The following VPS13B variants were observed in gnomAD, a reference collection of about 807,000 sequenced individuals.
The protein encoded by VPS13B is vacuolar protein sorting 13 homolog B.
In VPS13B, 285 loss-of-function variants were observed where a neutral mutation model predicts 426.4. That is an observed-to-expected ratio of 0.67 (90% CI 0.61 to 0.74). The LOEUF (loss-of-function observed/expected upper bound fraction) is 0.74. Ranked by LOEUF, VPS13B falls within the 30% of genes least tolerant of loss-of-function variation. The pLI is 0.00. For missense variants in VPS13B, 4,537 were observed against 4,782.6 expected, an observed-to-expected ratio of 0.95 and a Z score of 1.51; for synonymous variants, 1,676 against 1,676.4, an observed-to-expected ratio of 1.00 and a Z score of 0.01.
At chr8:99,093,698 A>G (rs947321341) in intron 3 of VPS13B, among the ~76,000 whole-genome samples, 1 of 152,134 alleles carries the variant, frequency 6.6e-6, no homozygotes, top group African/African-American at 2.4e-5. Context: ...GTCCCTACAA[A>G]GGACATGAAC....
chr8:99,481,569 GTTTTC>G, intron 24 of VPS13B, 25 bp from the exon 25 acceptor site: 3 of 1,607,148 alleles, frequency 1.9e-6, no homozygotes, highest in Non-Finnish European at 2.6e-6. Context: ...TGAAAGACTT[GTTTTC>G]TTTTCTTTTT....
intron 3 of VPS13B, among the ~76,000 whole-genome samples, chr8:99,084,676 A>C (rs192309864): frequency 1.9e-3 from 291 of 152,300 alleles, no homozygotes; most frequent in African/African-American, 6.9e-3. Context: ...TTGGTTTCAA[A>C]GAACATCTTT....
At chr8:99,355,289 C>G (rs1812117345) in intron 19 of VPS13B, among the ~76,000 whole-genome samples, 1 of 152,106 alleles carries the variant, frequency 6.6e-6, no homozygotes. Flanking sequence ...AACTGCTTTT[C>G]TTAACTTAAA....
At chr8:99,685,936 G>A (rs937207859) in intron 35 of VPS13B, among the ~76,000 whole-genome samples, 1 of 152,090 alleles carries the variant, frequency 6.6e-6, no homozygotes, top group Non-Finnish European at 1.5e-5. Flanking sequence ...GCATTGGATA[G>A]TTAGGTGTTT....
rs570248122 is a variant in VPS13B at position 99,668,257 on chromosome 8, G to A, written c.6046+6766G>A. On this transcript the variant is annotated intron_variant, in intron 35 of 61. Transcript: ENST00000357162. ...TGTAGTCCTTGCTACTCAGAGAGCCGAGGTGGGAGGATTGCTTGAGCCCAT... is the reference window on the plus strand; with the variant it reads ...TGTAGTCCTTGCTACTCAGAGAGCCAAGGTGGGAGGATTGCTTGAGCCCAT... 3.3e-5 allele frequency among the ~76,000 whole-genome samples: 5 copies of A among 151,720 alleles called. No homozygotes were observed. In the East Asian group the frequency reaches 5.8e-4, roughly 18 times the overall value.
At chr8:99,684,267 T>G (rs758647053) in intron 35 of VPS13B, among the ~76,000 whole-genome samples, 1 of 152,236 alleles carries the variant, frequency 6.6e-6, no homozygotes, top group Non-Finnish European at 1.5e-5. Flanking sequence ...TATTGTTTTT[T>G]ATACTTTCTC....
chr8:99,107,299 TAAGAA>T (rs1487293527), intron 5 of VPS13B, among the ~76,000 whole-genome samples: 1 of 151,890 alleles, frequency 6.6e-6, no homozygotes, highest in Non-Finnish European at 1.5e-5. Context: ...TATAAATCAA[TAAGAA>T]AAGAATAGAC....
chr8:99,735,192 G>A (rs1833772559), intron 39 of VPS13B, among the ~76,000 whole-genome samples: 1 of 152,108 alleles, frequency 6.6e-6, no homozygotes, highest in South Asian at 2.1e-4. Flanking sequence ...CTAGAGAGAT[G>A]AGAATAGAAC....
chr8:99,508,727 A>G (rs1285405580), intron 28 of VPS13B, among the ~76,000 whole-genome samples: 1 of 152,096 alleles, frequency 6.6e-6, no homozygotes, highest in Non-Finnish European at 1.5e-5. Flanking sequence ...AATGTTCTTC[A>G]GAAATTTTTT....
intron 6 of VPS13B, among the ~76,000 whole-genome samples, chr8:99,111,779 G>T (rs1309252723): frequency 6.6e-6 from 1 of 152,044 alleles, no homozygotes; most frequent in Non-Finnish European, 1.5e-5. Flanking sequence ...AAATCTTAGG[G>T]AGTTATTCAG....
At chr8:99,411,279 T>C (rs541409014) in intron 21 of VPS13B, among the ~76,000 whole-genome samples, 1 of 152,350 alleles carries the variant, frequency 6.6e-6, no homozygotes, top group Non-Finnish European at 1.5e-5. Flanking sequence ...TGGTATCTCA[T>C]TGTGGTTTTG....
At chr8:99,690,352 T>G (rs2130075755) in intron 35 of VPS13B, among the ~76,000 whole-genome samples, 1 of 152,286 alleles carries the variant, frequency 6.6e-6, no homozygotes, top group Admixed American at 6.5e-5. Context: ...GTAAAACTCT[T>G]AAAAGAAGAC....
intron 19 of VPS13B, among the ~76,000 whole-genome samples, chr8:99,303,992 A>G (rs1013988816): frequency 3.3e-5 from 5 of 152,110 alleles, no homozygotes; most frequent in Non-Finnish European, 7.4e-5. Context: ...AATATCATTT[A>G]TGACAGATTT....
intron 35 of VPS13B, among the ~76,000 whole-genome samples, chr8:99,662,723 C>T (rs1317751489): frequency 2.0e-5 from 3 of 150,698 alleles, no homozygotes; most frequent in African/African-American, 7.4e-5. Flanking sequence ...GCTGGGATTA[C>T]AGGTGTGAAC....
At chr8:99,112,326 T>C (rs1009676354) in intron 6 of VPS13B, among the ~76,000 whole-genome samples, 3 of 152,206 alleles carry the variant, frequency 2.0e-5, no homozygotes, top group Non-Finnish European at 4.4e-5. Flanking sequence ...ACACTGGTAT[T>C]AACTACTGTT....
At chr8:99,376,071 A>G (rs918667493) in intron 19 of VPS13B, among the ~76,000 whole-genome samples, 3 of 152,196 alleles carry the variant, frequency 2.0e-5, no homozygotes, top group African/African-American at 7.2e-5. Context: ...ACCCTGATTT[A>G]ACTAATGGGT....
intron 21 of VPS13B, among the ~76,000 whole-genome samples, chr8:99,415,408 G>C (rs1427558698): frequency 6.6e-6 from 1 of 151,838 alleles, no homozygotes; most frequent in South Asian, 2.1e-4. Flanking sequence ...TCCGAAGCCT[G>C]CCTCTATCAA....
chr8:99,621,371 T>A (rs774223715), intron 33 of VPS13B, among the ~76,000 whole-genome samples: 29 of 152,304 alleles, frequency 1.9e-4, no homozygotes, highest in Non-Finnish European at 3.4e-4. Flanking sequence ...TAGGACAAGA[T>A]CTTGATATTA....
chr8:99,435,037 T>C (rs534343037), intron 22 of VPS13B, among the ~76,000 whole-genome samples: 1 of 152,306 alleles, frequency 6.6e-6, no homozygotes, highest in African/African-American at 2.4e-5. Context: ...GAGTATACTG[T>C]AGGGAGCCCC....
Sources: gnomAD v4.1 joint callset for allele counts (sites outside exome capture counted in the v4.1 genomes callset) on GRCh38, gnomAD v4.1.1 for gene constraint, MANE v1.5 for transcripts, NCBI Gene and HGNC (gene_info 2026-07-23, HGNC 2026-07-21) for gene names.